Variants in COL12A1 observed in about 807,000 individuals in gnomAD.
The protein encoded by COL12A1 is collagen alpha-1(XII) chain.
COL12A1 carries 114 observed loss-of-function variants against 349.7 expected under a neutral mutation model. That is an observed-to-expected ratio of 0.33 (90% CI 0.28 to 0.38). COL12A1 has a LOEUF of 0.38. Ranked by LOEUF, COL12A1 falls within the 10% of genes least tolerant of loss-of-function variation. The pLI is 1.00. For synonymous variants in COL12A1, 1,369 were observed against 1,329.0 expected, an observed-to-expected ratio of 1.03 and a Z score of -0.66; for missense variants, 3,284 against 3,756.9, an observed-to-expected ratio of 0.87 and a Z score of 3.29.
chr6:75,142,788 C>T lies in COL12A1; in HGVS notation c.4827+464G>A, dbSNP rs562484535. Among the ~76,000 whole-genome samples the T allele has an allele frequency of 3.2e-4, 49 of 152,328 alleles. 1 individual carries two copies. The highest frequency in any genetic ancestry group is 2.2e-3 in the Admixed American group (34 of 15,296). ...TCATCACGGAACTCCCAAAAGAACA[C>T]TCCCAAAAGGACACCCCTCTAACAA... On this transcript the variant is annotated intron_variant, in intron 26 of 65. Transcript: ENST00000322507.
intron 25 of COL12A1, among the ~76,000 whole-genome samples, chr6:75,144,741 T>C (rs1379832273): frequency 1.3e-5 from 2 of 152,252 alleles, no homozygotes; most frequent in Non-Finnish European, 2.9e-5. Context: ...TATACTGCTT[T>C]GTATAATTTC....
At chr6:75,128,476 A>G in intron 37 of COL12A1, 51 bp from the exon 38 acceptor site, 18 of 1,437,572 alleles carry the variant, frequency 1.3e-5, no homozygotes, top group Non-Finnish European at 1.7e-5. Context: ...AGACTTCCAG[A>G]TCAAAAGACA....
At position 75,085,287 on chromosome 6, in the gene COL12A1, G is replaced by T. The variant is rs1288905737; in HGVS notation, c.*1260C>A. 1 of 471,010 alleles carries T rather than the reference G, an allele frequency of 2.1e-6. No homozygotes were observed. Among genetic ancestry groups the T allele is most frequent in the Non-Finnish European group, 4.4e-6 (1 of 227,060 alleles). The allele number at this position is 471,010 out of a possible 1,614,324, so 29.2% of individuals were successfully genotyped here. A position where few individuals can be genotyped will look rare whatever the true frequency, so the allele number is the denominator to read the frequency against. ...GTCTGCGCCGTAGTCCTCGTATTCC[G>T]CTGTCCGCTCGGGCTCCACCGGCAC... On this transcript the variant is annotated 3_prime_UTR_variant, in exon 66 of 66. Transcript: ENST00000322507.
Position 75,134,004 on chromosome 6 carries a change from T to C in COL12A1, c.5525-7A>G. On this transcript the variant is annotated splice_region_variant and splice_polypyrimidine_tract_variant and intron_variant, in intron 32 of 65. Coordinates refer to ENST00000322507, the MANE Select transcript of COL12A1 (RefSeq NM_004370.6). ...CTTACAGTGTTTAGAGGTTCTGAAA[T>C]GCACAGAAATCCCATCACAGTATAA... The C allele has an allele frequency of 6.2e-7, 1 of 1,611,390 alleles. No individual in the cohort carries two copies. Among genetic ancestry groups the C allele is most frequent in the Non-Finnish European group, 8.5e-7 (1 of 1,178,658 alleles).
chr6:75,181,050 TG>T lies in COL12A1; in HGVS notation c.2052del (p.Ser685ValfsTer7). On this transcript the variant is annotated frameshift_variant, in exon 11 of 66. Transcript: ENST00000322507. LOFTEE classifies it high-confidence loss of function. ...GGCTTCAGGCTGCTGAGAACAACAC[TG>T]GTGCTCGATGCTGGCTCCACCACAG... is the stretch of plus-strand genomic sequence containing the variant. ...EVTVVEPASS[T>X]SVVLSSLKPE... 1 of 1,614,056 alleles carries T rather than the reference TG, an allele frequency of 6.2e-7. No homozygotes were observed. Among genetic ancestry groups the T allele is most frequent in the Non-Finnish European group, 8.5e-7 (1 of 1,180,006 alleles).
chr6:75,185,694 G>C (rs959908105), intron 8 of COL12A1, among the ~76,000 whole-genome samples: 5 of 152,148 alleles, frequency 3.3e-5, no homozygotes, highest in African/African-American at 1.2e-4. Flanking sequence ...TGCTGGAGGT[G>C]CAGGCTATCT....
rs756348864 is a variant in COL12A1 at position 75,152,384 on chromosome 6, T to C, written c.3664A>G (p.Ile1222Val). The C allele has an allele frequency of 3.1e-6, 5 of 1,613,606 alleles. No homozygotes were observed. Among genetic ancestry groups the C allele is most frequent in the East Asian group, 2.2e-5 (1 of 44,836 alleles). The change falls in exon 18 of 66, where the codon ATT (isoleucine) becomes GTT (valine). Residue 1222 changes from isoleucine to valine, a missense_variant. By Grantham distance (29) the Ile-to-Val change is conservative. Coordinates refer to ENST00000322507, the MANE Select transcript of COL12A1 (RefSeq NM_004370.6). ...TCAAAGACTTCCACAATACGAGAAA[T>C]GAAACTCCTCACGGTTCTAAAATTT... ...RANFRTVRSF[I>V]SRIVEVFDIG...
In COL12A1 at chr6:75,102,742, A is replaced by C; in HGVS notation, c.8320-50T>G. 3 of 1,196,408 alleles carry C rather than the reference A, an allele frequency of 2.5e-6. No individual in the cohort carries two copies. The South Asian group carries it at 6.0e-5, about 24-fold the overall frequency. The allele number at this position is 1,196,408 out of a possible 1,614,324, so 74.1% of individuals were successfully genotyped here. On this transcript the variant is annotated intron_variant, in intron 55 of 65. Coordinates refer to ENST00000322507, the MANE Select transcript of COL12A1 (RefSeq NM_004370.6). The stretch of plus-strand genomic sequence containing the variant: ...CCACAAAGTAATGTAATACCTTTTC[A>C]GTGCTGACATTTAGTCAGACACTTG...
At chr6:75,134,596 T>C (rs1159195366) in intron 32 of COL12A1, 130 bp downstream of exon 32, 8 of 823,048 alleles carry the variant, frequency 9.7e-6, no homozygotes, top group Non-Finnish European at 1.3e-5. Context: ...AAAAAACTAT[T>C]AATATTATTT....
rs1452945275 is a variant in COL12A1 at position 75,134,770 on chromosome 6, T to C, written c.5480A>G (p.Tyr1827Cys). Residue 1827 changes from tyrosine (Y) to cysteine (C), a missense_variant, in exon 32 of 66, where the codon TAT (tyrosine) becomes TGT (cysteine). Tyr to Cys is a radical substitution (Grantham distance 194). Coordinates refer to ENST00000322507, the MANE Select transcript of COL12A1 (RefSeq NM_004370.6). The part of the protein sequence containing the change: ...TPYTITVSSL[Y>C]PDGEGGRMTG... ...CATCCGACCTCCTTCACCATCAGGA[T>C]ACAGAGAGGATACGGTGATAGTGTA... 2 of 1,612,632 alleles carry C rather than the reference T, an allele frequency of 1.2e-6. No homozygotes were observed. The highest frequency in any genetic ancestry group is 1.7e-6 in the Non-Finnish European group (2 of 1,179,084).
At chr6:75,202,366 C>T (rs937067808) in intron 2 of COL12A1, among the ~76,000 whole-genome samples, 1 of 152,216 alleles carries the variant, frequency 6.6e-6, no homozygotes, top group Non-Finnish European at 1.5e-5. Flanking sequence ...GGGTGCCACC[C>T]GGAGGTGTCC....
In COL12A1 at chr6:75,085,230, C is replaced by G. The variant is rs920560154; in HGVS notation, c.*1317G>C. ...GTGGGGCAGGGCGCGCCGCCAGCGC[C>G]GGTGGGGCTCAGGAGGCTCCTCTGC... is the stretch of plus-strand genomic sequence containing the variant. On this transcript the variant is annotated 3_prime_UTR_variant, in exon 66 of 66. Coordinates refer to ENST00000322507, the MANE Select transcript of COL12A1 (RefSeq NM_004370.6). 1 of 469,536 alleles carries G rather than the reference C, an allele frequency of 2.1e-6. No individual in the cohort carries two copies. The highest frequency in any genetic ancestry group is 2.0e-5 in the African/African-American group (1 of 50,052). The allele number at this position is 469,536 out of a possible 1,614,324, so 29.1% of individuals were successfully genotyped here. A position where few individuals can be genotyped will look rare whatever the true frequency, so the allele number is the denominator to read the frequency against.
intron 14 of COL12A1, among the ~76,000 whole-genome samples, chr6:75,163,138 T>C (rs1039179941): frequency 1.3e-5 from 2 of 152,162 alleles, no homozygotes; most frequent in Non-Finnish European, 2.9e-5. Context: ...GAAATACCAG[T>C]TGACCCAGCA....
intron 31 of COL12A1, among the ~76,000 whole-genome samples, chr6:75,135,235 C>A (rs1000029178): frequency 6.6e-6 from 1 of 152,162 alleles, no homozygotes; most frequent in Non-Finnish European, 1.5e-5. Flanking sequence ...TTTAGAGGCT[C>A]CACACCACTT....
chr6:75,175,439 T>A, intron 12 of COL12A1, 129 bp from the exon 13 acceptor site: 1 of 1,110,692 alleles, frequency 9.0e-7, no homozygotes, highest in Non-Finnish European at 1.3e-6. Context: ...ATGACAATTT[T>A]AACTGTTGAC....
intron 13 of COL12A1, among the ~76,000 whole-genome samples, chr6:75,168,543 T>C (rs1562264876): frequency 6.6e-6 from 1 of 152,188 alleles, no homozygotes. Flanking sequence ...ATAACTGGAC[T>C]GGACTTGAAC....
intron 14 of COL12A1, among the ~76,000 whole-genome samples, chr6:75,159,547 A>G (rs1036769355): frequency 4.0e-5 from 6 of 151,024 alleles, no homozygotes; most frequent in African/African-American, 1.4e-4. Context: ...ATAGAAAAAT[A>G]ATCTATTTGG....
chr6:75,188,243 T>C lies in COL12A1; in HGVS notation c.997+119A>G, dbSNP rs537239396. On this transcript the variant is annotated intron_variant, in intron 8 of 65. Coordinates refer to ENST00000322507, the MANE Select transcript of COL12A1 (RefSeq NM_004370.6). ...TGCTAAAAAACAATACAGTGGAGTA[T>C]ACAATTGTAGAATCACTGGAAGAAA... The C allele has an allele frequency of 1.3e-5, 14 of 1,084,236 alleles. No individual in the cohort carries two copies. In the African/African-American group the frequency reaches 1.6e-4, roughly 12 times the overall value. The allele number at this position is 1,084,236 out of a possible 1,614,324, so 67.2% of individuals were successfully genotyped here. A position where few individuals can be genotyped will look rare whatever the true frequency, so the allele number is the denominator to read the frequency against.
intron 65 of COL12A1, chr6:75,087,328 G>A: frequency 2.3e-6 from 1 of 434,328 alleles, no homozygotes; most frequent in Non-Finnish European, 4.0e-6. Context: ...CCCAAGAGAA[G>A]TAAGGGGAGG....
Sources: gnomAD v4.1 joint callset for allele counts (sites outside exome capture counted in the v4.1 genomes callset) on GRCh38, gnomAD v4.1.1 for gene constraint, MANE v1.5 for transcripts, NCBI Gene and HGNC (gene_info 2026-07-23, HGNC 2026-07-21) for gene names.